SOX6: variants seen among roughly 807,000 people sequenced by gnomAD.
The protein encoded by SOX6 is SRY-box transcription factor 6.
Under a neutral mutation model 97.8 loss-of-function variants are expected in SOX6, and 11 were observed. That is an observed-to-expected ratio of 0.11 (90% CI 0.07 to 0.19). SOX6 has a LOEUF of 0.19. SOX6 is among the 10% of genes least tolerant of loss of function. SOX6 has a pLI of 1.00. For missense variants in SOX6, 810 were observed against 1,039.5 expected (o/e 0.78, Z 3.04); for synonymous variants, 360 against 371.4 (o/e 0.97, Z 0.35).
chr11:16,353,053 C>T (rs940614242), intron 1 of SOX6, among the ~76,000 whole-genome samples: 1 of 151,988 alleles, frequency 6.6e-6, no homozygotes, highest in Non-Finnish European at 1.5e-5. Flanking sequence ...CCTAGATGAT[C>T]AACATTTAAT....
chr11:16,714,455 T>C (rs535717335), intron 3 of SOX6, among the ~76,000 whole-genome samples: 31 of 147,664 alleles, frequency 2.1e-4, no homozygotes, highest in African/African-American at 6.2e-4. Flanking sequence ...TTCTTTCTTT[T>C]TTTTTTTTTT....
At chr11:16,702,937 C>T (rs1329719716) in intron 3 of SOX6, among the ~76,000 whole-genome samples, 1 of 148,730 alleles carries the variant, frequency 6.7e-6, no homozygotes, top group African/African-American at 2.5e-5. Context: ...TATATAAAAT[C>T]CTTCATATGT....
chr11:15,989,303 G>A (rs995837657), intron 13 of SOX6, 73 bp from the exon 14 acceptor site: 34 of 1,257,374 alleles, frequency 2.7e-5, no homozygotes, highest in Non-Finnish European at 3.3e-5. Context: ...ACAGCTTGCC[G>A]CCTGGGTCAG....
At chr11:16,058,939 C>G (rs1847881752) in intron 9 of SOX6, among the ~76,000 whole-genome samples, 1 of 152,096 alleles carries the variant, frequency 6.6e-6, no homozygotes, top group African/African-American at 2.4e-5. Context: ...TATTTTCAAC[C>G]AGTCATCCTG....
chr11:16,670,342 A>G lies in SOX6; in HGVS notation n.429+44488T>C, dbSNP rs545263616. ...CGAGCCTTCAACCCCCTCCTCCCCAATAAGCAGACCTCCAAGCTCATACCA... is the reference window on the plus strand; with the variant it reads ...CGAGCCTTCAACCCCCTCCTCCCCAGTAAGCAGACCTCCAAGCTCATACCA... On this transcript the variant is annotated intron_variant and non_coding_transcript_variant, in intron 3 of 5. Coordinates refer to the SOX6 transcript ENST00000524520. Among the ~76,000 whole-genome samples the G allele has an allele frequency of 5.3e-5, 8 of 152,082 alleles. No homozygotes were observed. The East Asian group carries it at 1.4e-3, about 26-fold the overall frequency.
At chr11:16,346,324 A>T (rs1856775255) in intron 1 of SOX6, among the ~76,000 whole-genome samples, 1 of 152,018 alleles carries the variant, frequency 6.6e-6, no homozygotes, top group African/African-American at 2.4e-5. Context: ...TCTACAAAGG[A>T]CACCAGTCCA....
At chr11:16,258,578 A>G (rs976154086) in intron 3 of SOX6, among the ~76,000 whole-genome samples, 1 of 151,996 alleles carries the variant, frequency 6.6e-6, no homozygotes, top group African/African-American at 2.4e-5. Flanking sequence ...CATAGAATAC[A>G]GAGTATTTTT....
chr11:16,005,887 T>C (rs527624940), intron 13 of SOX6, among the ~76,000 whole-genome samples: 1 of 152,128 alleles, frequency 6.6e-6, no homozygotes, highest in East Asian at 1.9e-4. Context: ...CATTCTTACA[T>C]AACTTTTCCC....
intron 3 of SOX6, among the ~76,000 whole-genome samples, chr11:16,642,923 C>A (rs1406667649): frequency 6.6e-6 from 1 of 152,220 alleles, no homozygotes; most frequent in Non-Finnish European, 1.5e-5. Context: ...TCATCAAAGT[C>A]ATTCTCTGTC....
intron 8 of SOX6, among the ~76,000 whole-genome samples, chr11:16,096,610 C>A (rs1848801835): frequency 6.6e-6 from 1 of 151,748 alleles, no homozygotes; most frequent in Non-Finnish European, 1.5e-5. Context: ...CAGTTGGAAA[C>A]ATTCAAAATG....
At chr11:16,247,406 T>C (rs909541749) in intron 3 of SOX6, among the ~76,000 whole-genome samples, 2 of 152,186 alleles carry the variant, frequency 1.3e-5, no homozygotes, top group East Asian at 3.8e-4. Context: ...ACTGATTTCC[T>C]TTCTGTATTA....
At chr11:16,373,242 A>C (rs1190049625) in intron 1 of SOX6, among the ~76,000 whole-genome samples, 1 of 152,088 alleles carries the variant, frequency 6.6e-6, no homozygotes, top group African/African-American at 2.4e-5. Flanking sequence ...ACAACCACAA[A>C]GGACAATTCA....
At position 16,158,653 on chromosome 11, in the gene SOX6, C is replaced by A. The variant is rs568221070; in HGVS notation, c.777+25233G>T. On this transcript the variant is annotated intron_variant, in intron 6 of 15. Coordinates refer to ENST00000683767, the MANE Select transcript of SOX6 (RefSeq NM_001367873.1). ...GGAGTAATAAAAAAATTCCTCTTATCTGCTTGTGGCTTTCCTGGGTGTTCT... is the reference window on the plus strand; with the variant it reads ...GGAGTAATAAAAAAATTCCTCTTATATGCTTGTGGCTTTCCTGGGTGTTCT... 9.2e-4 allele frequency among the ~76,000 whole-genome samples: 140 copies of A among 151,990 alleles called. 1 individual carries two copies. The highest frequency in any genetic ancestry group is 3.4e-3 in the Middle Eastern group (1 of 294).
chr11:16,491,659 T>C (rs1425893252), intron 4 of SOX6, among the ~76,000 whole-genome samples: 1 of 151,972 alleles, frequency 6.6e-6, no homozygotes, highest in Non-Finnish European at 1.5e-5. Context: ...AGATAAACTA[T>C]AAAGCAACAG....
intron 1 of SOX6, among the ~76,000 whole-genome samples, chr11:16,464,337 CTT>C (rs1463512067): frequency 6.6e-6 from 1 of 151,924 alleles, no homozygotes; most frequent in Non-Finnish European, 1.5e-5. Flanking sequence ...AATCAGTACT[CTT>C]CAGTTCTTAA....
At chr11:16,193,521 T>C (rs893912020) in intron 4 of SOX6, among the ~76,000 whole-genome samples, 6 of 152,196 alleles carry the variant, frequency 3.9e-5, no homozygotes, top group Non-Finnish European at 8.8e-5. Flanking sequence ...ATTAGATCAA[T>C]GCACACATTA....
At chr11:16,537,032 TG>T (rs1861319902) in intron 4 of SOX6, among the ~76,000 whole-genome samples, 1 of 152,208 alleles carries the variant, frequency 6.6e-6, no homozygotes, top group African/African-American at 2.4e-5. Flanking sequence ...GTAGCCTGAT[TG>T]GGAGACACCT....
intron 4 of SOX6, among the ~76,000 whole-genome samples, chr11:16,207,934 A>G (rs998702536): frequency 6.6e-6 from 1 of 152,122 alleles, no homozygotes; most frequent in Non-Finnish European, 1.5e-5. Context: ...CTATATTGAT[A>G]TTGTATAATA....
chr11:16,711,868 CT>C (rs1419835742), intron 3 of SOX6, among the ~76,000 whole-genome samples: 1 of 152,026 alleles, frequency 6.6e-6, no homozygotes, highest in Non-Finnish European at 1.5e-5. Context: ...CCTCATCCCC[CT>C]CTCACACTTC....
Sources: allele counts gnomAD v4.1 joint callset (sites outside exome capture counted in the v4.1 genomes callset), GRCh38; gene constraint gnomAD v4.1.1; transcripts MANE v1.5; gene names NCBI Gene and HGNC (gene_info 2026-07-23, HGNC 2026-07-21).